FOXP2: variants seen among roughly 807,000 people sequenced by gnomAD.
FOXP2 encodes the protein forkhead box protein P2.
In FOXP2, 12 loss-of-function variants were observed where a neutral mutation model predicts 115.8. That is an observed-to-expected ratio of 0.10 (90% CI 0.07 to 0.17). The LOEUF (loss-of-function observed/expected upper bound fraction) is 0.17, where lower values mean the gene tolerates loss of function less well. Among genes scored for constraint, FOXP2 ranks in the 10% least tolerant of loss-of-function variants. The pLI, the probability that FOXP2 is intolerant of heterozygous loss-of-function variation, is 1.00. For missense variants in FOXP2, 629 were observed against 843.5 expected, an observed-to-expected ratio of 0.75 and a Z score of 3.15; for synonymous variants, 328 against 297.7, an observed-to-expected ratio of 1.10 and a Z score of -1.05.
intron 3 of FOXP2, among the ~76,000 whole-genome samples, chr7:114,562,639 G>A (rs757866108): frequency 1.3e-4 from 19 of 151,982 alleles, no homozygotes; most frequent in South Asian, 6.2e-4. Flanking sequence ...TCAGCTGCAC[G>A]TCTTCATTCC....
At chr7:114,511,618 G>C (rs1262933892) in intron 2 of FOXP2, among the ~76,000 whole-genome samples, 1 of 151,866 alleles carries the variant, frequency 6.6e-6, no homozygotes, top group Non-Finnish European at 1.5e-5. Flanking sequence ...TTAGGGAGGA[G>C]GTAATGGCTA....
At chr7:114,683,757 G>A (rs947437631) in intron 16 of FOXP2, among the ~76,000 whole-genome samples, 5 of 152,156 alleles carry the variant, frequency 3.3e-5, no homozygotes, top group Admixed American at 6.5e-5. Flanking sequence ...CATGAAAAAT[G>A]TCTTGGAGTA....
chr7:114,136,955 A>G (rs1466990622), intron 1 of FOXP2, among the ~76,000 whole-genome samples: 1 of 152,044 alleles, frequency 6.6e-6, no homozygotes, highest in Admixed American at 6.5e-5. Flanking sequence ...GATATTTGCT[A>G]AAAGTGCTGA....
intron 2 of FOXP2, among the ~76,000 whole-genome samples, chr7:114,480,266 T>C (rs1584787580): frequency 6.6e-6 from 1 of 151,524 alleles, no homozygotes; most frequent in African/African-American, 2.4e-5. Context: ...CCTGTCCCCC[T>C]CTTCCTCCTC....
chr7:114,090,433 T>C (rs941341219), intron 1 of FOXP2, among the ~76,000 whole-genome samples: 19 of 151,922 alleles, frequency 1.3e-4, no homozygotes, highest in African/African-American at 4.3e-4. Flanking sequence ...TACTCTTTGA[T>C]AAAAGAAAGC....
In FOXP2 at chr7:114,152,765, G is replaced by A. The variant is rs371189287; in HGVS notation, c.-246-10179G>A. Reference sequence around the variant, plus strand: ...TATGTTTGGAGGCAAGAACAGGGAAGGTGTTTGCTGTCATTGACCGTAGGG... The same window carrying A: ...TATGTTTGGAGGCAAGAACAGGGAAAGTGTTTGCTGTCATTGACCGTAGGG... On this transcript the variant is annotated intron_variant, in intron 1 of 19. Transcript: ENST00000635638. Among the ~76,000 whole-genome samples, 31 of 152,206 alleles carry A rather than the reference G, an allele frequency of 2.0e-4. No individual in the cohort carries two copies. In the East Asian group the frequency reaches 3.1e-3, roughly 15 times the overall value.
intron 3 of FOXP2, among the ~76,000 whole-genome samples, chr7:114,552,362 G>A (rs542940358): frequency 2.6e-5 from 4 of 152,212 alleles, no homozygotes; most frequent in East Asian, 1.9e-4. Context: ...AGGGCAATTC[G>A]GTTCTATCGC....
At chr7:114,682,446 G>A (rs569626246) in intron 16 of FOXP2, among the ~76,000 whole-genome samples, 2 of 152,280 alleles carry the variant, frequency 1.3e-5, no homozygotes, top group South Asian at 4.1e-4. Flanking sequence ...GGTGAGCACA[G>A]AAGAGAGTTT....
chr7:114,551,453 G>A (rs1800203065), intron 3 of FOXP2, among the ~76,000 whole-genome samples: 1 of 152,010 alleles, frequency 6.6e-6, no homozygotes, highest in African/African-American at 2.4e-5. Context: ...GAATAAATTG[G>A]GTTTCTCTTT....
intron 2 of FOXP2, among the ~76,000 whole-genome samples, chr7:114,289,064 G>A (rs1463248338): frequency 2.0e-5 from 3 of 151,770 alleles, no homozygotes; most frequent in Non-Finnish European, 4.4e-5. Context: ...ATTTCTCTGA[G>A]AGATTTTTGT....
In FOXP2 at chr7:114,338,665, G is replaced by C. The variant is rs564168291; in HGVS notation, c.-11+50556G>C. On this transcript the variant is annotated intron_variant, in intron 2 of 17. Coordinates refer to the FOXP2 transcript ENST00000634411. The stretch of plus-strand genomic sequence containing the variant: ...TTATTTATTTGCAGAGCATAAGAAA[G>C]GATTGCATTTTTTGGTAAATTCACT... Among the ~76,000 whole-genome samples the C allele has an allele frequency of 2.7e-5, 4 of 150,404 alleles. No homozygotes were observed. In the South Asian group the frequency reaches 8.3e-4, roughly 31 times the overall value.
intron 2 of FOXP2, among the ~76,000 whole-genome samples, chr7:114,311,159 T>C (rs1797139476): frequency 6.6e-6 from 1 of 152,164 alleles, no homozygotes; most frequent in Non-Finnish European, 1.5e-5. Context: ...AACAACCACC[T>C]GACCATCACT....
At chr7:114,632,688 CTT>C (rs977632533) in intron 6 of FOXP2, among the ~76,000 whole-genome samples, 1 of 152,100 alleles carries the variant, frequency 6.6e-6, no homozygotes, top group African/African-American at 2.4e-5. Context: ...ATTAATGTCT[CTT>C]TGGCTTTTTT....
chr7:114,329,684 ATTTATTTT>A (rs1412681710), intron 2 of FOXP2, among the ~76,000 whole-genome samples: 122 of 93,402 alleles, frequency 1.3e-3, no homozygotes, highest in African/African-American at 3.7e-3. Flanking sequence ...TTATTTATTT[ATTTATTTT>A]ATGAGATGCA....
chr7:114,530,067 AT>A (rs201964342), intron 2 of FOXP2, among the ~76,000 whole-genome samples: 7 of 151,022 alleles, frequency 4.6e-5, no homozygotes, highest in Non-Finnish European at 7.4e-5. Context: ...CCTGCTGGCA[AT>A]TTTTTTTTGG....
Position 114,571,027 on chromosome 7 carries a change from ATG to A in FOXP2, c.258+36323_258+36324del, listed in dbSNP as rs951694652. 8.7e-5 allele frequency: 65 copies of A among 750,586 alleles called. 1 individual carries two copies. In the African/African-American group the frequency reaches 9.4e-4, roughly 11 times the overall value. 46.5% of individuals were successfully genotyped at this position (750,586 alleles called of 1,614,324 possible). ...AGATACAAATAATGTTAAGATACAG[ATG>A]TAATTAGTTGATTTTCTCTTGCTTC... is the stretch of plus-strand genomic sequence containing the variant. On this transcript the variant is annotated intron_variant, in intron 3 of 16. Coordinates refer to ENST00000350908, the MANE Select transcript of FOXP2 (RefSeq NM_014491.4).
chr7:114,435,654 C>T (rs555617599), intron 2 of FOXP2, among the ~76,000 whole-genome samples: 20 of 152,312 alleles, frequency 1.3e-4, no homozygotes, highest in African/African-American at 4.3e-4. Flanking sequence ...CCTCCTGCCT[C>T]AGCCTCCCGA....
chr7:114,550,035 G>T (rs966209359), intron 3 of FOXP2, among the ~76,000 whole-genome samples: 1 of 151,538 alleles, frequency 6.6e-6, no homozygotes, highest in African/African-American at 2.4e-5. Context: ...ACCAAGGCAG[G>T]TATATGGTAG....
intron 2 of FOXP2, among the ~76,000 whole-genome samples, chr7:114,397,440 A>C (rs1466621083): frequency 1.3e-5 from 2 of 152,156 alleles, no homozygotes; most frequent in Non-Finnish European, 2.9e-5. Flanking sequence ...ATGTAGAGAA[A>C]ACGGGATAAT....
Sources: gnomAD v4.1 joint callset for allele counts (sites outside exome capture counted in the v4.1 genomes callset) on GRCh38, gnomAD v4.1.1 for gene constraint, MANE v1.5 for transcripts, NCBI Gene and HGNC (gene_info 2026-07-23, HGNC 2026-07-21) for gene names.